SRBD1: variants seen among roughly 807,000 people sequenced by gnomAD.
SRBD1 encodes S1 RNA-binding domain-containing protein 1.
A neutral mutation model predicts 115.3 loss-of-function variants in SRBD1; 88 were observed. That is an observed-to-expected ratio of 0.76 (90% CI 0.64 to 0.91). The LOEUF (loss-of-function observed/expected upper bound fraction) is 0.91. Among genes scored for constraint, SRBD1 ranks in the 40% least tolerant of loss-of-function variants. The pLI, the probability that SRBD1 is intolerant of heterozygous loss-of-function variation, is 0.00. For missense variants in SRBD1, 1,385 were observed against 1,177.4 expected, an observed-to-expected ratio of 1.18 and a Z score of -2.58; for synonymous variants, 509 against 407.7, an observed-to-expected ratio of 1.25 and a Z score of -2.99.
chr2:45,556,555 C>A (rs1238368926), intron 10 of SRBD1, among the ~76,000 whole-genome samples: 1 of 148,302 alleles, frequency 6.7e-6, no homozygotes, highest in African/African-American at 2.5e-5. Context: ...CTCCACCTCC[C>A]AGGTTCAAGC....
intron 14 of SRBD1, among the ~76,000 whole-genome samples, chr2:45,545,283 TAAAAAAAAAAAAAAAAAAA>T (rs56909656): frequency 7.9e-4 from 54 of 68,580 alleles, no homozygotes; most frequent in Admixed American, 2.8e-3. Flanking sequence ...CTGTCTCAAT[TAAAAAAAAAAAAAAAAAAA>T]AAAAAAAAAA....
In SRBD1 at chr2:45,562,637, A is replaced by G; in HGVS notation, c.1409+16T>C. On this transcript the variant is annotated intron_variant, in intron 10 of 20. Coordinates refer to ENST00000263736, the MANE Select transcript of SRBD1 (RefSeq NM_018079.5). ...AAAAGAAACAAAGAAAATTCTGTAA[A>G]TATCTGTAAACAGACCTGTTTTGGA... is the stretch of plus-strand genomic sequence containing the variant. 6.4e-7 allele frequency: 1 copy of G among 1,557,712 alleles called. No individual in the cohort carries two copies. Among genetic ancestry groups the G allele is most frequent in the Non-Finnish European group, 8.7e-7 (1 of 1,151,266 alleles).
rs78184257 is a variant in SRBD1, at chr2:45,578,157, A to T, written c.1072+1718T>A. On this transcript the variant is annotated intron_variant, in intron 7 of 20. Coordinates refer to ENST00000263736, the MANE Select transcript of SRBD1 (RefSeq NM_018079.5). ...AGTAGAAGGAAAGAAAATCAACCAC[A>T]AGGAGAAAAATAAAAATAAAAGCAG... 3.6e-3 allele frequency among the ~76,000 whole-genome samples: 555 copies of T among 152,300 alleles called. 10 individuals carry two copies. Among genetic ancestry groups the T allele is most frequent in the African/African-American group, 0.013 (530 of 41,576 alleles).
chr2:45,553,746 G>C lies in SRBD1; in HGVS notation c.1410-16C>G. 6.5e-7 allele frequency: 1 copy of C among 1,527,934 alleles called. No individual in the cohort carries two copies. Among genetic ancestry groups the C allele is most frequent in the Non-Finnish European group, 8.8e-7 (1 of 1,132,216 alleles). The allele number at this position is 1,527,934 out of a possible 1,614,324, so 94.6% of individuals were successfully genotyped here. A position where few individuals can be genotyped will look rare whatever the true frequency, so the allele number is the denominator to read the frequency against. ...TGGTCTCCACCTGCAAAACAGAAAA[G>C]CCCACACTAAAACTGATGCAACAAT... On this transcript the variant is annotated splice_polypyrimidine_tract_variant and intron_variant, in intron 10 of 20. Coordinates refer to ENST00000263736, the MANE Select transcript of SRBD1 (RefSeq NM_018079.5).
In SRBD1 at chr2:45,403,572, T is replaced by C. The variant is rs537417383; in HGVS notation, c.2513+9542A>G. ...TATTGGAGCTTACAGCCAATAATTA[T>C]AAACTAACCTGAAATTTAATTGTCA... is the stretch of plus-strand genomic sequence containing the variant. On this transcript the variant is annotated intron_variant, in intron 19 of 20. Transcript: ENST00000263736. Among the ~76,000 whole-genome samples, 356 of 152,324 alleles carry C rather than the reference T, an allele frequency of 2.3e-3. 2 individuals carry two copies. Among genetic ancestry groups the C allele is most frequent in the African/African-American group, 8.4e-3 (350 of 41,586 alleles).
Position 45,553,682 on chromosome 2 carries a change from A to G in SRBD1, c.1458T>C (p.Tyr486=). The G allele has an allele frequency of 6.2e-7, 1 of 1,608,568 alleles. No individual in the cohort carries two copies. The highest frequency in any genetic ancestry group is 8.5e-7 in the Non-Finnish European group (1 of 1,177,732). ...GTTTAAAGGAATCATTCAGTGAATT[A>G]TATAAGATCTTCATTAACTCTGGCC... is the stretch of plus-strand genomic sequence containing the variant. ...FARPELMKIL[Y]NSLNDSFKRL... The change falls in exon 11 of 21, where the codon TAT becomes TAC. Residue 486 remains tyrosine (Y), a synonymous_variant. Transcript: ENST00000263736.
At chr2:45,402,355 A>G (rs576625354) in intron 19 of SRBD1, among the ~76,000 whole-genome samples, 8 of 152,302 alleles carry the variant, frequency 5.3e-5, no homozygotes, top group African/African-American at 1.9e-4. Flanking sequence ...TTCCTGTCCC[A>G]GACCTGAATT....
chr2:45,584,280 C>T (rs925216079), intron 5 of SRBD1, among the ~76,000 whole-genome samples: 1 of 152,240 alleles, frequency 6.6e-6, no homozygotes, highest in African/African-American at 2.4e-5. Flanking sequence ...GCAAGGGTTG[C>T]CCCTCTTAGA....
At chr2:45,445,758 C>A (rs1046846701) in intron 16 of SRBD1, among the ~76,000 whole-genome samples, 3 of 152,042 alleles carry the variant, frequency 2.0e-5, no homozygotes, top group Admixed American at 6.6e-5. Context: ...CTACTGATAA[C>A]TCACCTATGA....
chr2:45,510,891 T>A (rs1670945933), intron 14 of SRBD1, among the ~76,000 whole-genome samples: 1 of 152,178 alleles, frequency 6.6e-6, no homozygotes, highest in African/African-American at 2.4e-5. Context: ...ACATGCAGGC[T>A]GCAACTCCTT....
intron 14 of SRBD1, among the ~76,000 whole-genome samples, chr2:45,522,403 C>T (rs1344205377): frequency 1.3e-5 from 2 of 152,042 alleles, no homozygotes; most frequent in Admixed American, 6.6e-5. Flanking sequence ...ATCTAGAGCT[C>T]CTGGGCTCAA....
chr2:45,554,627 G>C (rs143559133), intron 10 of SRBD1, among the ~76,000 whole-genome samples: 2 of 152,150 alleles, frequency 1.3e-5, no homozygotes, highest in Non-Finnish European at 2.9e-5. Context: ...GAATAGAAGA[G>C]AAAATCACAA....
chr2:45,454,654 C>G (rs1402984256), intron 16 of SRBD1, among the ~76,000 whole-genome samples: 1 of 151,748 alleles, frequency 6.6e-6, no homozygotes, highest in Non-Finnish European at 1.5e-5. Context: ...AAAATAAAGT[C>G]TTATTGACCA....
chr2:45,601,776 G>T, intron 3 of SRBD1, 127 bp downstream of exon 3: 1 of 1,242,436 alleles, frequency 8.0e-7, no homozygotes, highest in East Asian at 2.4e-5. Flanking sequence ...TAAGACCCAG[G>T]GTAGGGGATG....
At chr2:45,518,340 A>G (rs1002598242) in intron 14 of SRBD1, among the ~76,000 whole-genome samples, 1 of 152,222 alleles carries the variant, frequency 6.6e-6, no homozygotes, top group African/African-American at 2.4e-5. Context: ...TTAAGTAATT[A>G]TCCACTATAC....
At chr2:45,522,956 G>A (rs1453805567) in intron 14 of SRBD1, among the ~76,000 whole-genome samples, 2 of 152,020 alleles carry the variant, frequency 1.3e-5, no homozygotes, top group East Asian at 1.9e-4. Context: ...CACAGAGGGG[G>A]TCAACATCCC....
At chr2:45,472,383 A>G (rs1669675538) in intron 16 of SRBD1, among the ~76,000 whole-genome samples, 1 of 152,234 alleles carries the variant, frequency 6.6e-6, no homozygotes, top group South Asian at 2.1e-4. Context: ...TTCTATTTTC[A>G]CAACTCCATG....
chr2:45,520,669 C>T (rs938742294), intron 14 of SRBD1, among the ~76,000 whole-genome samples: 7 of 146,344 alleles, frequency 4.8e-5, no homozygotes, highest in African/African-American at 1.6e-4. Context: ...GGCAGAATGG[C>T]GCAGCAGAGA....
At chr2:45,469,499 T>C (rs1405688356) in intron 16 of SRBD1, among the ~76,000 whole-genome samples, 1 of 152,204 alleles carries the variant, frequency 6.6e-6, no homozygotes, top group Non-Finnish European at 1.5e-5. Flanking sequence ...CAAATCATGC[T>C]ATCATTTCAC....
Sources: gnomAD v4.1 joint callset for allele counts (sites outside exome capture counted in the v4.1 genomes callset) on GRCh38, gnomAD v4.1.1 for gene constraint, MANE v1.5 for transcripts, NCBI Gene and HGNC (gene_info 2026-07-23, HGNC 2026-07-21) for gene names.